The following SPACA7 variants were observed in gnomAD, a reference collection of about 807,000 sequenced individuals.
SPACA7 encodes the protein sperm acrosome-associated protein 7.
In SPACA7, 19 loss-of-function variants were observed where a neutral mutation model predicts 26.3. The observed-to-expected ratio is 0.72, with a 90% CI of 0.50 to 1.06. The LOEUF (loss-of-function observed/expected upper bound fraction) is 1.06, where lower values mean the gene tolerates loss of function less well. Ranked by LOEUF, SPACA7 falls within the 50% of genes least tolerant of loss-of-function variation. The probability of loss-of-function intolerance (pLI) is 0.00; values close to 1 mark genes in which losing one functional copy is unlikely to be tolerated. For missense variants in SPACA7, 211 were observed against 229.9 expected (o/e 0.92, Z 0.53); for synonymous variants, 84 against 84.5 (o/e 0.99, Z 0.04).
intron 1 of SPACA7, among the ~76,000 whole-genome samples, chr13:112,383,639 A>G (rs1158634219): frequency 1.3e-5 from 2 of 152,226 alleles, no homozygotes; most frequent in African/African-American, 4.8e-5. Context: ...TGAGGTCCCA[A>G]GATATCTTGC....
intron 5 of SPACA7, among the ~76,000 whole-genome samples, chr13:112,405,043 C>T (rs373883830): frequency 5.1e-5 from 7 of 137,534 alleles, no homozygotes; most frequent in African/African-American, 1.4e-4. Context: ...AGTGCAGTGG[C>T]GCTATCTCGG....
At chr13:112,414,926 G>A (rs1057003790) in intron 5 of SPACA7, among the ~76,000 whole-genome samples, 10 of 152,144 alleles carry the variant, frequency 6.6e-5, no homozygotes, top group African/African-American at 2.4e-4. Flanking sequence ...GTCATCACAT[G>A]GGCTTTGTTT....
At chr13:112,405,660 T>A (rs1594288361) in intron 5 of SPACA7, among the ~76,000 whole-genome samples, 1 of 152,348 alleles carries the variant, frequency 6.6e-6, no homozygotes, top group East Asian at 1.9e-4. Flanking sequence ...AACTGGAATC[T>A]GGTGTGTGTT....
At chr13:112,376,576 A>C in intron 1 of SPACA7, 97 bp downstream of exon 1, 1 of 1,280,156 alleles carries the variant, frequency 7.8e-7, no homozygotes, top group Non-Finnish European at 1.1e-6. Context: ...CCCAACCTAC[A>C]TGAATTTACC....
chr13:112,395,117 T>C (rs1297337179), intron 2 of SPACA7, among the ~76,000 whole-genome samples: 1 of 152,144 alleles, frequency 6.6e-6, no homozygotes, highest in Non-Finnish European at 1.5e-5. Context: ...CACGTGCAAT[T>C]TCAGAGCCTC....
chr13:112,407,312 A>G (rs553364244), intron 5 of SPACA7, among the ~76,000 whole-genome samples: 1 of 152,348 alleles, frequency 6.6e-6, no homozygotes, highest in Non-Finnish European at 1.5e-5. Flanking sequence ...AAAGAACTAG[A>G]GAAGCAAGAG....
chr13:112,413,120 T>C (rs924549699), intron 5 of SPACA7, among the ~76,000 whole-genome samples: 3 of 152,210 alleles, frequency 2.0e-5, no homozygotes, highest in Non-Finnish European at 4.4e-5. Context: ...CACACCACAA[T>C]TGCAGTGTTA....
chr13:112,400,993 T>A, intron 4 of SPACA7, 76 bp from the exon 5 acceptor site: 1 of 1,079,612 alleles, frequency 9.3e-7, no homozygotes, highest in Non-Finnish European at 1.4e-6. Context: ...CATGTTTAAA[T>A]AAATAAATGA....
intron 1 of SPACA7, among the ~76,000 whole-genome samples, chr13:112,380,751 T>C (rs1594233683): frequency 6.6e-6 from 1 of 152,248 alleles, no homozygotes; most frequent in African/African-American, 2.4e-5. Context: ...AGCTTTCTTA[T>C]CAAAAACAGA....
At chr13:112,394,139 C>T (rs1239936644) in intron 2 of SPACA7, among the ~76,000 whole-genome samples, 2 of 152,312 alleles carry the variant, frequency 1.3e-5, no homozygotes, top group African/African-American at 4.8e-5. Flanking sequence ...TTTGCCTTCA[C>T]GGCCATTTCC....
intron 2 of SPACA7, 69 bp from the exon 3 acceptor site, chr13:112,397,980 T>C (rs1885389125): frequency 1.0e-5 from 10 of 963,138 alleles, no homozygotes; most frequent in Admixed American, 3.5e-5. Flanking sequence ...CAGATGGCCT[T>C]AGGGGACAGG....
intron 6 of SPACA7, among the ~76,000 whole-genome samples, chr13:112,433,892 T>A (rs1430540251): frequency 6.6e-6 from 1 of 152,224 alleles, no homozygotes; most frequent in Non-Finnish European, 1.5e-5. Context: ...CTGCTTTAGA[T>A]ACAATTTCAT....
At chr13:112,380,530 A>G (rs1342161305) in intron 1 of SPACA7, among the ~76,000 whole-genome samples, 1 of 152,122 alleles carries the variant, frequency 6.6e-6, no homozygotes, top group African/African-American at 2.4e-5. Context: ...CATCTATAAA[A>G]TCTTATAATA....
intron 5 of SPACA7, among the ~76,000 whole-genome samples, chr13:112,416,865 G>A (rs1436314565): frequency 6.7e-6 from 1 of 150,340 alleles, no homozygotes; most frequent in Non-Finnish European, 1.5e-5. Flanking sequence ...TCTTGTTGAA[G>A]TTGTCCAGTT....
At chr13:112,395,211 C>G (rs1051464310) in intron 2 of SPACA7, among the ~76,000 whole-genome samples, 4 of 152,204 alleles carry the variant, frequency 2.6e-5, no homozygotes, top group Admixed American at 1.3e-4. Flanking sequence ...CTGGGGATGG[C>G]TCATCAGACG....
chr13:112,387,587 C>A (rs1413956166), intron 1 of SPACA7, among the ~76,000 whole-genome samples: 1 of 152,188 alleles, frequency 6.6e-6, no homozygotes, highest in Non-Finnish European at 1.5e-5. Context: ...AAGAGAGAGA[C>A]CAGAAATTTG....
intron 1 of SPACA7, chr13:112,382,543 C>T (rs184072139): frequency 1.4e-4 from 223 of 1,545,338 alleles, no homozygotes; most frequent in African/African-American, 8.0e-4. Context: ...ACTATCTGGG[C>T]GACACATGCA....
At chr13:112,386,130 G>A (rs891884737) in intron 1 of SPACA7, among the ~76,000 whole-genome samples, 3 of 152,216 alleles carry the variant, frequency 2.0e-5, no homozygotes, top group African/African-American at 7.2e-5. Context: ...TTTATTGCGA[G>A]GCAACCCAAA....
chr13:112,430,934 T>TA (rs1357688137), intron 5 of SPACA7, among the ~76,000 whole-genome samples: 2 of 152,198 alleles, frequency 1.3e-5, no homozygotes, highest in African/African-American at 4.8e-5. Flanking sequence ...GAATCTTCTC[T>TA]AAAAAAACTC....
Sources: allele counts gnomAD v4.1 joint callset (sites outside exome capture counted in the v4.1 genomes callset), GRCh38; gene constraint gnomAD v4.1.1; transcripts MANE v1.5; gene names NCBI Gene and HGNC (gene_info 2026-07-23, HGNC 2026-07-21).